Variants in CYB5D2 observed in about 807,000 individuals in gnomAD.
The protein encoded by CYB5D2 is neuferricin.
In CYB5D2, 23 loss-of-function variants were observed where a neutral mutation model predicts 22.8. The observed-to-expected ratio is 1.01, with a 90% CI of 0.73 to 1.43. The LOEUF is 1.43. Ranked by LOEUF, CYB5D2 falls within the 40% of genes most tolerant of loss-of-function variation. The pLI is 0.00. For synonymous variants in CYB5D2, 170 were observed against 152.2 expected (o/e 1.12, Z -0.86); for missense variants, 373 against 357.2 (o/e 1.04, Z -0.36).
rs375526179 is a variant in CYB5D2 at position 4,156,858 on chromosome 17, A to G, written c.579-8A>G. 568 of 1,612,494 alleles carry G rather than the reference A, an allele frequency of 3.5e-4. 5 individuals are homozygous for G. In the South Asian group the frequency reaches 4.0e-3, roughly 11 times the overall value. On this transcript the variant is annotated splice_region_variant and splice_polypyrimidine_tract_variant and intron_variant, in intron 3 of 3. Coordinates refer to ENST00000301391, the MANE Select transcript of CYB5D2 (RefSeq NM_144611.4). Reference sequence around the variant, plus strand: ...CATTTAAGAAGTCCTCTTTCCGTCTATCCTTAGTGGAGGTGTGAGCAGAGA... The same window carrying G: ...CATTTAAGAAGTCCTCTTTCCGTCTGTCCTTAGTGGAGGTGTGAGCAGAGA...
chr17:4,152,613 C>A (rs2059070222), intron 2 of CYB5D2, among the ~76,000 whole-genome samples: 1 of 152,166 alleles, frequency 6.6e-6, no homozygotes, highest in Non-Finnish European at 1.5e-5. Context: ...AGAAACTCAC[C>A]AAAGACAGGC....
chr17:4,149,891 GCCGAGACGCAT>G lies in CYB5D2; in HGVS notation c.254_264del (p.Arg85GlnfsTer10). ...TCTGATGGAAACATCTCTGTTCCAG[GCCGAGACGCAT>G]CCAGAGCTTTCGTGACCGGGGACTG... On this transcript the variant is annotated frameshift_variant and splice_region_variant, in exon 2 of 4. Coordinates refer to ENST00000301391, the MANE Select transcript of CYB5D2 (RefSeq NM_144611.4). LOFTEE classifies it high-confidence loss of function. 1 of 1,613,668 alleles carries G rather than the reference GCCGAGACGCAT, an allele frequency of 6.2e-7. No individual in the cohort carries two copies. Among genetic ancestry groups the G allele is most frequent in the Non-Finnish European group, 8.5e-7 (1 of 1,179,638 alleles).
Position 4,154,808 on chromosome 17 carries a change from A to G in CYB5D2, c.526A>G (p.Asn176Asp), listed in dbSNP as rs2059096385. ...LQEKQTFPPC[N>D]AEWSSARGSR... ...AGAGAAGCAGACATTCCCGCCGTGC[A>G]ACGCGGAGTGGAGCTCAGCCAGGGG... Residue 176 changes from asparagine to aspartate, a missense_variant, in exon 3 of 4, where the codon AAC becomes GAC. By Grantham distance (23) the Asn-to-Asp change is conservative. Coordinates refer to ENST00000301391, the MANE Select transcript of CYB5D2 (RefSeq NM_144611.4). 6.2e-7 allele frequency: 1 copy of G among 1,614,198 alleles called. No individual in the cohort carries two copies. Among genetic ancestry groups the G allele is most frequent in the South Asian group, 1.1e-5 (1 of 91,088 alleles).
In CYB5D2 at chr17:4,154,853, C is replaced by T. The variant is rs750634808; in HGVS notation, c.571C>T (p.Gln191Ter). The T allele has an allele frequency of 6.2e-7, 1 of 1,611,624 alleles. No individual in the cohort carries two copies. ...SARGSRLWCS[Q>*]KSGGVSRDWI... Reference sequence around the variant, plus strand: ...CAGGGGCAGCCGGCTCTGGTGCTCCCAGAAGAGGTAAGCAGGCTCCCCTTC... The same window carrying T: ...CAGGGGCAGCCGGCTCTGGTGCTCCTAGAAGAGGTAAGCAGGCTCCCCTTC... Residue 191 changes from glutamine to a stop codon, truncating the protein, a stop_gained, in exon 3 of 4, where the codon CAG (glutamine) becomes TAG (stop). Transcript: ENST00000301391. LOFTEE classifies it high-confidence loss of function.
intron 1 of CYB5D2, among the ~76,000 whole-genome samples, chr17:4,147,886 C>T (rs62072183): frequency 0.21 from 31,963 of 152,016 alleles, 3,444 homozygotes; most frequent in Middle Eastern, 0.27. Context: ...GGCAAGGCAG[C>T]GTTGGTGGCA....
In CYB5D2 at chr17:4,154,765, C is replaced by T; in HGVS notation, c.483C>T (p.Ala161=). 6.2e-7 allele frequency: 1 copy of T among 1,614,200 alleles called. No individual in the cohort carries two copies. Among genetic ancestry groups the T allele is most frequent in the Non-Finnish European group, 8.5e-7 (1 of 1,180,034 alleles). The change falls in exon 3 of 4, where the codon GCC becomes GCT. Residue 161 remains alanine (A), a synonymous_variant. Coordinates refer to ENST00000301391, the MANE Select transcript of CYB5D2 (RefSeq NM_144611.4). ...VEAAITRGLE[A]NKLQLQEKQT... The stretch of plus-strand genomic sequence containing the variant: ...CTGCGATCACCAGAGGCTTGGAGGC[C>T]AACAAACTACAGCTGCAAGAGAAGC...
At position 4,143,543 on chromosome 17, in the gene CYB5D2, AAG is replaced by A; in HGVS notation, c.-212_-211del. On this transcript the variant is annotated 5_prime_UTR_variant, in exon 1 of 4. Transcript: ENST00000301391. The stretch of plus-strand genomic sequence containing the variant: ...ACTCTGTCTCAGAAAAAAAAAAAAA[AAG>A]TACCTGGAAAAAGTCGCAGACAGCG... 1.8e-6 allele frequency: 1 copy of A among 556,992 alleles called. No individual in the cohort carries two copies. Among genetic ancestry groups the A allele is most frequent in the Non-Finnish European group, 2.9e-6 (1 of 340,674 alleles). 34.5% of individuals were successfully genotyped at this position (556,992 alleles called of 1,614,324 possible).
chr17:4,145,818 A>C (rs2058983892), intron 1 of CYB5D2, among the ~76,000 whole-genome samples: 2 of 152,202 alleles, frequency 1.3e-5, no homozygotes, highest in South Asian at 4.1e-4. Flanking sequence ...TGTTGTTTAG[A>C]GACAGGGTCT....
At chr17:4,153,058 G>A (rs757075321) in intron 2 of CYB5D2, among the ~76,000 whole-genome samples, 3 of 152,226 alleles carry the variant, frequency 2.0e-5, no homozygotes, top group Non-Finnish European at 4.4e-5. Flanking sequence ...GATTACAGGT[G>A]TGAGCCGCTG....
chr17:4,150,240 A>G (rs2059040888), intron 2 of CYB5D2, among the ~76,000 whole-genome samples: 1 of 152,116 alleles, frequency 6.6e-6, no homozygotes, highest in Non-Finnish European at 1.5e-5. Context: ...TTGGGAGAGG[A>G]TTACTAAGCT....
intron 2 of CYB5D2, among the ~76,000 whole-genome samples, chr17:4,154,008 G>T (rs532885625): frequency 2.0e-5 from 3 of 152,344 alleles, no homozygotes; most frequent in East Asian, 3.9e-4. Context: ...GGCAGGTGCT[G>T]CCTCTGAAGG....
rs759716578 is a variant in CYB5D2, at chr17:4,144,010, C to T, written c.250+5C>T. ...CCCACTATAGCGGCTTCGCAGGTAT[C>T]AGCGAGGCTGCTCACGCCTTTCTCT... On this transcript the variant is annotated splice_donor_5th_base_variant and intron_variant, in intron 1 of 3. Transcript: ENST00000301391. 3.1e-6 allele frequency: 5 copies of T among 1,589,062 alleles called. No homozygotes were observed. In the East Asian group the frequency reaches 9.0e-5, roughly 29 times the overall value.
intron 2 of CYB5D2, among the ~76,000 whole-genome samples, chr17:4,153,552 A>G (rs1054184807): frequency 3.8e-4 from 58 of 152,334 alleles, no homozygotes; most frequent in African/African-American, 1.3e-3. Flanking sequence ...GGTAGGATTC[A>G]TGTTTTTAAA....
At position 4,149,908 on chromosome 17, in the gene CYB5D2, G is replaced by A. The variant is rs771159912; in HGVS notation, c.268G>A (p.Ala90Thr). The change falls in exon 2 of 4, where the codon GCT becomes ACT. Residue 90 changes from alanine to threonine, a missense_variant. Transcript: ENST00000301391. ...TGTTCCAGGCCGAGACGCATCCAGA[G>A]CTTTCGTGACCGGGGACTGTTCTGA... ...SGFAGRDASR[A>T]FVTGDCSEAG... 1.2e-5 allele frequency: 19 copies of A among 1,614,144 alleles called. No individual in the cohort carries two copies. The highest frequency in any genetic ancestry group is 1.6e-5 in the Non-Finnish European group (19 of 1,179,976).
At chr17:4,150,084 G>T in intron 2 of CYB5D2, 53 bp downstream of exon 2, 1 of 1,600,498 alleles carries the variant, frequency 6.2e-7, no homozygotes, top group South Asian at 1.1e-5. Context: ...GTGTTTTTAG[G>T]GGGCTGAGAT....
intron 1 of CYB5D2, among the ~76,000 whole-genome samples, chr17:4,145,574 G>A (rs1271884064): frequency 1.3e-5 from 2 of 152,152 alleles, no homozygotes; most frequent in African/African-American, 2.4e-5. Context: ...GTGCTCTGCT[G>A]TTTACTGAGC....
At chr17:4,146,170 A>G (rs1197884046) in intron 1 of CYB5D2, among the ~76,000 whole-genome samples, 1 of 152,136 alleles carries the variant, frequency 6.6e-6, no homozygotes, top group Non-Finnish European at 1.5e-5. Flanking sequence ...ATCTTGGCTT[A>G]CTGCAACCTC....
intron 1 of CYB5D2, among the ~76,000 whole-genome samples, chr17:4,149,400 A>G (rs1427286769): frequency 6.6e-6 from 1 of 152,244 alleles, no homozygotes; most frequent in Non-Finnish European, 1.5e-5. Flanking sequence ...AATATGACCA[A>G]TGCCAAAGAG....
chr17:4,145,399 G>A (rs553282100), intron 1 of CYB5D2, among the ~76,000 whole-genome samples: 2 of 152,328 alleles, frequency 1.3e-5, no homozygotes, highest in South Asian at 4.1e-4. Context: ...GGTACACAGT[G>A]AGTTAGAAGC....
Sources: gnomAD v4.1 joint callset for allele counts (sites outside exome capture counted in the v4.1 genomes callset) on GRCh38, gnomAD v4.1.1 for gene constraint, MANE v1.5 for transcripts, NCBI Gene and HGNC (gene_info 2026-07-23, HGNC 2026-07-21) for gene names.